CEP128: variants seen among roughly 807,000 people sequenced by gnomAD.
The protein encoded by CEP128 is centrosomal protein 128kDa.
In CEP128, 132 loss-of-function variants were observed where a neutral mutation model predicts 156.7. The observed-to-expected ratio is 0.84, with a 90% CI of 0.73 to 0.97. The LOEUF (loss-of-function observed/expected upper bound fraction) is 0.97, where lower values mean the gene tolerates loss of function less well. Ranked by LOEUF, CEP128 falls within the 50% of genes least tolerant of loss-of-function variation. CEP128 has a pLI of 0.00. For synonymous variants in CEP128, 469 were observed against 448.9 expected (o/e 1.04, Z -0.57); for missense variants, 1,252 against 1,281.9 (o/e 0.98, Z 0.36).
chr14:80,761,234 C>G (rs1431687156), intron 17 of CEP128, among the ~76,000 whole-genome samples: 1 of 151,016 alleles, frequency 6.6e-6, no homozygotes. Context: ...GAGACACAGC[C>G]AATTCAATGA....
At chr14:80,650,232 T>C (rs973536640) in intron 19 of CEP128, among the ~76,000 whole-genome samples, 4 of 152,260 alleles carry the variant, frequency 2.6e-5, no homozygotes, top group Non-Finnish European at 5.9e-5. Flanking sequence ...ATTATTGGTG[T>C]ATAGGAATGC....
intron 19 of CEP128, among the ~76,000 whole-genome samples, chr14:80,614,759 G>A (rs1893142575): frequency 6.6e-6 from 1 of 152,114 alleles, no homozygotes; most frequent in African/African-American, 2.4e-5. Context: ...TAAATCCCTA[G>A]TGTACGATGA....
At chr14:80,617,477 C>T (rs1409936993) in intron 19 of CEP128, among the ~76,000 whole-genome samples, 7 of 151,914 alleles carry the variant, frequency 4.6e-5, no homozygotes, top group Non-Finnish European at 7.4e-5. Flanking sequence ...CCTCATGATC[C>T]GCCGGCCTCG....
chr14:80,866,075 T>G (rs571589657), intron 8 of CEP128, among the ~76,000 whole-genome samples: 4 of 152,100 alleles, frequency 2.6e-5, no homozygotes, highest in Non-Finnish European at 5.9e-5. Flanking sequence ...ATGGACCCAG[T>G]ATACAGGTCA....
At chr14:80,696,511 G>A (rs1322843478) in intron 19 of CEP128, among the ~76,000 whole-genome samples, 1 of 152,150 alleles carries the variant, frequency 6.6e-6, no homozygotes, top group African/African-American at 2.4e-5. Context: ...AGCGTAAAAA[G>A]AGCTGATAAA....
At chr14:80,933,675 G>A (rs1885617000) in intron 2 of CEP128, among the ~76,000 whole-genome samples, 2 of 152,140 alleles carry the variant, frequency 1.3e-5, no homozygotes, top group African/African-American at 4.8e-5. Flanking sequence ...CTGTTTAGGG[G>A]CAAATGCTGA....
chr14:80,815,419 A>G (rs1416740229), intron 13 of CEP128, among the ~76,000 whole-genome samples: 9 of 152,226 alleles, frequency 5.9e-5, no homozygotes. Flanking sequence ...AAAATGCCAG[A>G]TGTTGATGAG....
intron 19 of CEP128, among the ~76,000 whole-genome samples, chr14:80,584,065 T>C (rs942302495): frequency 6.6e-6 from 1 of 152,098 alleles, no homozygotes; most frequent in Non-Finnish European, 1.5e-5. Flanking sequence ...TTCATACTGA[T>C]TTAAAAATAA....
intron 9 of CEP128, among the ~76,000 whole-genome samples, chr14:80,847,878 A>G (rs1201471471): frequency 6.6e-6 from 1 of 152,204 alleles, no homozygotes; most frequent in African/African-American, 2.4e-5. Flanking sequence ...CAGTACCTGA[A>G]TTATATTAGG....
At chr14:80,586,105 G>T (rs990811531) in intron 19 of CEP128, among the ~76,000 whole-genome samples, 1 of 151,938 alleles carries the variant, frequency 6.6e-6, no homozygotes, top group Admixed American at 6.6e-5. Context: ...CTAATCCTAG[G>T]GTTGCTTTTT....
chr14:80,647,033 GCATGTATATATATATATATATATATA>G (rs1566831465), intron 19 of CEP128, among the ~76,000 whole-genome samples: 2 of 68,788 alleles, frequency 2.9e-5, no homozygotes, highest in Admixed American at 1.8e-4. Flanking sequence ...ATATATGTGT[GCATGTATATATATATATATATATATA>G]TATATATATA....
At chr14:80,480,359 T>C (rs571271932) in intron 14 of CEP128, among the ~76,000 whole-genome samples, 13 of 152,320 alleles carry the variant, frequency 8.5e-5, no homozygotes, top group African/African-American at 2.9e-4. Flanking sequence ...CTGACTTCTA[T>C]GTACCCGCAG....
chr14:80,807,320 A>T (rs1884237612), intron 13 of CEP128, among the ~76,000 whole-genome samples: 1 of 152,218 alleles, frequency 6.6e-6, no homozygotes, highest in Admixed American at 6.5e-5. Flanking sequence ...AATTAAGTAA[A>T]ATTAACTATT....
At chr14:80,695,160 A>C (rs936499458) in intron 19 of CEP128, among the ~76,000 whole-genome samples, 29 of 151,980 alleles carry the variant, frequency 1.9e-4, no homozygotes, top group Non-Finnish European at 3.5e-4. Flanking sequence ...ATGAAAAAGA[A>C]GTTGCCCATC....
chr14:80,900,807 TAAAAATTA>T (rs201120977), intron 6 of CEP128, among the ~76,000 whole-genome samples: 2,668 of 152,262 alleles, frequency 0.018, 24 homozygotes, highest in Middle Eastern at 0.065. Flanking sequence ...ATGTAGGTAG[TAAAAATTA>T]AAAAAGTAAA....
chr14:80,863,524 G>GAC (rs1887620012), intron 8 of CEP128, among the ~76,000 whole-genome samples: 1 of 152,116 alleles, frequency 6.6e-6, no homozygotes, highest in African/African-American at 2.4e-5. Flanking sequence ...TTTTCTCTCT[G>GAC]ACACAAAATT....
At chr14:80,955,706 T>C (rs1235510229) in intron 2 of CEP128, 1 of 1,613,972 alleles carries the variant, frequency 6.2e-7, no homozygotes, top group African/African-American at 1.3e-5. Flanking sequence ...TTGCTGCAGC[T>C]GGTGCTGCTG....
intron 19 of CEP128, among the ~76,000 whole-genome samples, chr14:80,651,290 A>G (rs1272960450): frequency 2.0e-5 from 3 of 151,904 alleles, no homozygotes; most frequent in Admixed American, 2.0e-4. Context: ...TATTGCATCT[A>G]TATGGTTCTT....
At position 80,806,514 on chromosome 14, in the gene CEP128, T is replaced by C. The variant is rs1403740430; in HGVS notation, c.1210-13404A>G. Among the ~76,000 whole-genome samples, 3 of 152,198 alleles carry C rather than the reference T, an allele frequency of 2.0e-5. No individual in the cohort carries two copies. The East Asian group carries it at 5.8e-4, about 29-fold the overall frequency. ...CATATCTCAAAGTACATTTCTGTTT[T>C]CTTAATTTATCTCACACCCTATTAG... is the stretch of plus-strand genomic sequence containing the variant. On this transcript the variant is annotated intron_variant, in intron 13 of 24. Transcript: ENST00000555265.
Sources: gnomAD v4.1 joint callset for allele counts (sites outside exome capture counted in the v4.1 genomes callset) on GRCh38, gnomAD v4.1.1 for gene constraint, MANE v1.5 for transcripts, NCBI Gene and HGNC (gene_info 2026-07-23, HGNC 2026-07-21) for gene names.